The following ITFG1 variants were observed in gnomAD, a reference collection of about 807,000 sequenced individuals.
ITFG1 encodes integrin alpha FG-GAP repeat containing 1, also known as T-cell immunomodulatory protein.
In ITFG1, 34 loss-of-function variants were observed where a neutral mutation model predicts 81.8. That is an observed-to-expected ratio of 0.42 (90% CI 0.32 to 0.55). The LOEUF is 0.55. Among genes scored for constraint, ITFG1 ranks in the 20% least tolerant of loss-of-function variants. The pLI is 0.17. For missense variants in ITFG1, 672 were observed against 755.4 expected, an observed-to-expected ratio of 0.89 and a Z score of 1.29; for synonymous variants, 285 against 270.6, an observed-to-expected ratio of 1.05 and a Z score of -0.52.
At chr16:47,417,677 T>C (rs1329967109) in intron 6 of ITFG1, among the ~76,000 whole-genome samples, 1 of 152,206 alleles carries the variant, frequency 6.6e-6, no homozygotes, top group Admixed American at 6.5e-5. Flanking sequence ...AACATAATGA[T>C]CTCAATACAC....
intron 10 of ITFG1, among the ~76,000 whole-genome samples, chr16:47,273,607 C>G (rs550665442): frequency 6.6e-6 from 1 of 152,148 alleles, no homozygotes; most frequent in South Asian, 2.1e-4. Flanking sequence ...GTGGGGGAGA[C>G]AGCACATGTT....
chr16:47,167,634 T>C (rs1964910027), intron 14 of ITFG1, among the ~76,000 whole-genome samples: 1 of 152,078 alleles, frequency 6.6e-6, no homozygotes, highest in South Asian at 2.1e-4. Context: ...CCCACCCTTA[T>C]CTCCCTTTGC....
chr16:47,394,832 C>T (rs556196514), intron 6 of ITFG1, among the ~76,000 whole-genome samples: 1 of 152,176 alleles, frequency 6.6e-6, no homozygotes, highest in South Asian at 2.1e-4. Flanking sequence ...AATGAGATCT[C>T]CAGTAATTAA....
At chr16:47,338,669 T>A (rs536536722) in intron 8 of ITFG1, among the ~76,000 whole-genome samples, 39 of 151,336 alleles carry the variant, frequency 2.6e-4, no homozygotes, top group East Asian at 1.4e-3. Flanking sequence ...TTTTTTTTTT[T>A]AAATTTTTAA....
chr16:47,411,089 A>G (rs909796817), intron 6 of ITFG1, among the ~76,000 whole-genome samples: 4 of 152,212 alleles, frequency 2.6e-5, no homozygotes, highest in Admixed American at 6.5e-5. Context: ...GACAGTGGAC[A>G]AAGCTGCAGG....
intron 8 of ITFG1, among the ~76,000 whole-genome samples, chr16:47,339,420 A>G (rs1967751346): frequency 1.3e-5 from 2 of 152,230 alleles, no homozygotes; most frequent in African/African-American, 4.8e-5. Context: ...CAAATACTTT[A>G]AAACAACTAT....
intron 10 of ITFG1, among the ~76,000 whole-genome samples, chr16:47,300,588 C>T (rs1163604328): frequency 6.6e-6 from 1 of 152,178 alleles, no homozygotes; most frequent in Non-Finnish European, 1.5e-5. Context: ...GTTTGGATAG[C>T]CATGGAGGCA....
intron 8 of ITFG1, among the ~76,000 whole-genome samples, chr16:47,360,856 A>C (rs1968099969): frequency 6.6e-6 from 1 of 152,178 alleles, no homozygotes; most frequent in South Asian, 2.1e-4. Context: ...TTTAGAATTA[A>C]CATCTGAATC....
chr16:47,427,025 C>T (rs187777518), intron 6 of ITFG1, among the ~76,000 whole-genome samples: 1 of 152,210 alleles, frequency 6.6e-6, no homozygotes, highest in African/African-American at 2.4e-5. Flanking sequence ...ATTTATCTTG[C>T]CTGTCTCAAC....
chr16:47,180,825 C>T (rs1253033379), intron 14 of ITFG1, among the ~76,000 whole-genome samples: 2 of 151,540 alleles, frequency 1.3e-5, no homozygotes, highest in African/African-American at 2.4e-5. Flanking sequence ...AAGTGAGGAG[C>T]GTCTCTGCCT....
chr16:47,187,450 T>TA (rs1350042663), intron 14 of ITFG1, among the ~76,000 whole-genome samples: 27 of 151,992 alleles, frequency 1.8e-4, no homozygotes, highest in Admixed American at 2.6e-4. Flanking sequence ...CCCTCAGAAA[T>TA]AATGCCGCAT....
At chr16:47,225,609 AG>A (rs779925078) in intron 13 of ITFG1, among the ~76,000 whole-genome samples, 1 of 152,230 alleles carries the variant, frequency 6.6e-6, no homozygotes, top group East Asian at 1.9e-4. Flanking sequence ...AATTCTCATC[AG>A]AAACCCAGGA....
At chr16:47,412,695 C>CAAAAAAAAAAAAAAAAAAAAAAAAAAAA (rs34669796) in intron 6 of ITFG1, among the ~76,000 whole-genome samples, 1 of 106,114 alleles carries the variant, frequency 9.4e-6, no homozygotes, top group Admixed American at 9.6e-5. Flanking sequence ...GACTCTGTCT[C>CAAAAAAAAAAAAAAAAAAAAAAAAAAAA]AAAAAAAAAA....
At chr16:47,411,385 G>C (rs529832102) in intron 6 of ITFG1, among the ~76,000 whole-genome samples, 2 of 152,302 alleles carry the variant, frequency 1.3e-5, no homozygotes, top group Admixed American at 1.3e-4. Context: ...GGTTGGGGCA[G>C]ATACCGGGGA....
intron 6 of ITFG1, among the ~76,000 whole-genome samples, chr16:47,414,819 C>CAAAAT (rs965108640): frequency 1.3e-5 from 2 of 152,140 alleles, no homozygotes; most frequent in East Asian, 1.9e-4. Flanking sequence ...TTAAATAATT[C>CAAAAT]AAAATAAAAT....
chr16:47,419,268 CCTT>C (rs907564312), intron 6 of ITFG1, among the ~76,000 whole-genome samples: 5 of 148,818 alleles, frequency 3.4e-5, no homozygotes, highest in African/African-American at 1.3e-4. Context: ...CAAGGGACTT[CCTT>C]CTTAATTTTT....
chr16:47,278,561 C>A (rs1203096691), intron 10 of ITFG1, among the ~76,000 whole-genome samples: 1 of 152,162 alleles, frequency 6.6e-6, no homozygotes, highest in African/African-American at 2.4e-5. Context: ...CTTGTTTCTG[C>A]TCTTTCTATT....
Position 47,205,854 on chromosome 16 carries a change from A to C in ITFG1, c.1453+13014T>G, listed in dbSNP as rs146371096. Among the ~76,000 whole-genome samples the C allele has an allele frequency of 4.3e-3, 647 of 150,342 alleles. 3 individuals carry two copies. Among genetic ancestry groups the C allele is most frequent in the African/African-American group, 0.015 (620 of 40,900 alleles). ...TATCTATCTATCTATCTATCTATCT[A>C]TCTATCTATCTATCTATCTATCTAT... On this transcript the variant is annotated intron_variant, in intron 14 of 17. Transcript: ENST00000320640.
intron 10 of ITFG1, among the ~76,000 whole-genome samples, chr16:47,279,484 C>T (rs928693430): frequency 6.6e-6 from 1 of 152,172 alleles, no homozygotes; most frequent in African/African-American, 2.4e-5. Context: ...AGTTATTCCA[C>T]TGATCTATGT....
Sources: allele counts gnomAD v4.1 joint callset (sites outside exome capture counted in the v4.1 genomes callset), GRCh38; gene constraint gnomAD v4.1.1; transcripts MANE v1.5; gene names NCBI Gene and HGNC (gene_info 2026-07-23, HGNC 2026-07-21).